The following RBX1 variants were observed in gnomAD, a reference collection of about 807,000 sequenced individuals.
RBX1 encodes ring-box 1.
For synonymous variants in RBX1, 48 were observed against 47.9 expected, an observed-to-expected ratio of 1.00 and a Z score of -0.01; for missense variants, 46 against 141.4, an observed-to-expected ratio of 0.33 and a Z score of 3.42.
chr22:40,969,498 C>G (rs896671379), intron 4 of RBX1, among the ~76,000 whole-genome samples: 1 of 152,116 alleles, frequency 6.6e-6, no homozygotes, highest in African/African-American at 2.4e-5. Flanking sequence ...ACCTGTGATC[C>G]CAACACTTTA....
At chr22:40,971,860 G>A (rs1020516861) in intron 4 of RBX1, among the ~76,000 whole-genome samples, 8 of 152,042 alleles carry the variant, frequency 5.3e-5, no homozygotes, top group South Asian at 2.1e-4. Context: ...CCCGGCCCCC[G>A]TTAATTTTTA....
At chr22:40,972,345 G>A (rs1181124812) in intron 4 of RBX1, 131 bp from the exon 5 acceptor site, 4 of 647,958 alleles carry the variant, frequency 6.2e-6, no homozygotes, top group African/African-American at 1.8e-5. Context: ...TGTCAGTGTC[G>A]TCACCTAATC....
chr22:40,963,125 C>G (rs1244916174), intron 2 of RBX1, among the ~76,000 whole-genome samples: 2 of 151,702 alleles, frequency 1.3e-5, no homozygotes, highest in African/African-American at 4.8e-5. Flanking sequence ...CAGGTGTGAG[C>G]CACCACGCCC....
intron 2 of RBX1, among the ~76,000 whole-genome samples, chr22:40,958,000 ATTTTTAGTAGAAATGGGGTTTCACTATG>A: frequency 6.6e-6 from 1 of 151,932 alleles, no homozygotes. Flanking sequence ...AATTTTTTGT[ATTTTTAGTAGAAATGGGGTTTCACTATG>A]TTGGCCAGGC....
intron 2 of RBX1, among the ~76,000 whole-genome samples, chr22:40,961,064 G>A (rs958636308): frequency 2.1e-5 from 3 of 144,452 alleles, no homozygotes; most frequent in Non-Finnish European, 4.5e-5. Flanking sequence ...ACGCCCGGCC[G>A]AGCCACCGTG....
At chr22:40,955,127 C>T (rs2058321776) in intron 2 of RBX1, among the ~76,000 whole-genome samples, 1 of 152,084 alleles carries the variant, frequency 6.6e-6, no homozygotes, top group African/African-American at 2.4e-5. Context: ...ATTTTAGAGC[C>T]CTTAAATAGC....
intron 3 of RBX1, among the ~76,000 whole-genome samples, chr22:40,965,565 C>T (rs1010360123): frequency 2.6e-5 from 4 of 152,046 alleles, no homozygotes; most frequent in East Asian, 3.9e-4. Context: ...TTCAGCCTTC[C>T]GAGTAGCTGG....
chr22:40,958,378 A>C (rs547894333), intron 2 of RBX1, among the ~76,000 whole-genome samples: 10 of 152,182 alleles, frequency 6.6e-5, no homozygotes, highest in Admixed American at 6.5e-4. Flanking sequence ...TATCATTTTT[A>C]TAAAGACAAT....
intron 3 of RBX1, chr22:40,967,535 A>G (rs1295648113): frequency 1.0e-5 from 3 of 290,392 alleles, no homozygotes; most frequent in Non-Finnish European, 2.0e-5. Flanking sequence ...TCTTAAATAG[A>G]AGAGAGCTCA....
intron 2 of RBX1, among the ~76,000 whole-genome samples, chr22:40,956,859 C>A (rs1466509472): frequency 1.3e-5 from 2 of 151,224 alleles, no homozygotes; most frequent in Admixed American, 6.6e-5. Flanking sequence ...CAAGGTGAAA[C>A]CCCGTCTCCA....
intron 2 of RBX1, among the ~76,000 whole-genome samples, chr22:40,962,985 C>T (rs2058345334): frequency 1.3e-5 from 2 of 151,412 alleles, no homozygotes; most frequent in Admixed American, 6.6e-5. Flanking sequence ...AGTGAGCCAT[C>T]GCGCCTGGCC....
chr22:40,953,489 A>AG, intron 1 of RBX1, 66 bp from the exon 2 acceptor site: 1 of 1,047,692 alleles, frequency 9.5e-7, no homozygotes, highest in Admixed American at 1.7e-5. Flanking sequence ...CTGCAGCCTG[A>AG]GGTCCTAAAG....
chr22:40,958,273 A>G (rs1224378801), intron 2 of RBX1, among the ~76,000 whole-genome samples: 1 of 151,678 alleles, frequency 6.6e-6, no homozygotes, highest in Non-Finnish European at 1.5e-5. Context: ...CACTTTTATT[A>G]TAGACACTGA....
chr22:40,960,977 T>A (rs1209380651), intron 2 of RBX1, among the ~76,000 whole-genome samples: 1 of 151,986 alleles, frequency 6.6e-6, no homozygotes, highest in East Asian at 1.9e-4. Flanking sequence ...TTGGCCAGGC[T>A]GGTCTCGAAC....
At chr22:40,957,293 C>T (rs1195414657) in intron 2 of RBX1, among the ~76,000 whole-genome samples, 1 of 151,652 alleles carries the variant, frequency 6.6e-6, no homozygotes, top group African/African-American at 2.4e-5. Flanking sequence ...TGCAGTGAGC[C>T]GAGATCCTGC....
chr22:40,955,168 C>T (rs994898192), intron 2 of RBX1, among the ~76,000 whole-genome samples: 10 of 152,108 alleles, frequency 6.6e-5, no homozygotes, highest in African/African-American at 1.4e-4. Context: ...TATTCTTCAC[C>T]TCTTCTCTTC....
At chr22:40,966,828 G>A (rs2058355614) in intron 3 of RBX1, 1 of 152,170 alleles carries the variant, frequency 6.6e-6, no homozygotes, top group African/African-American at 2.4e-5. Flanking sequence ...CCACCACAGT[G>A]CACCAATCAC....
At chr22:40,967,077 G>T (rs952892240) in intron 3 of RBX1, 3 of 152,050 alleles carry the variant, frequency 2.0e-5, no homozygotes, top group Admixed American at 2.0e-4. Flanking sequence ...TAAGCCTTTT[G>T]ATGCTCTTTA....
chr22:40,970,154 A>G (rs2058365080), intron 4 of RBX1, among the ~76,000 whole-genome samples: 3 of 151,054 alleles, frequency 2.0e-5, no homozygotes, highest in Admixed American at 6.6e-5. Flanking sequence ...TCAGGAGTTC[A>G]AGACCAGCCT....
Sources: gnomAD v4.1 joint callset for allele counts (sites outside exome capture counted in the v4.1 genomes callset) on GRCh38, gnomAD v4.1.1 for gene constraint, MANE v1.5 for transcripts, NCBI Gene and HGNC (gene_info 2026-07-23, HGNC 2026-07-21) for gene names.